Variants in RTN4RL1 observed in about 807,000 individuals in gnomAD.
RTN4RL1 encodes the protein reticulon 4 receptor like 1, also known as reticulon-4 receptor-like 1.
RTN4RL1 carries 7 observed loss-of-function variants against 25.6 expected under a neutral mutation model. That is an observed-to-expected ratio of 0.27 (90% CI 0.16 to 0.51). The LOEUF is 0.51. Ranked by LOEUF, RTN4RL1 falls within the 20% of genes least tolerant of loss-of-function variation. RTN4RL1 has a pLI of 0.97. For missense variants in RTN4RL1, 500 were observed against 615.6 expected, an observed-to-expected ratio of 0.81 and a Z score of 1.99; for synonymous variants, 297 against 288.2, an observed-to-expected ratio of 1.03 and a Z score of -0.31.
Position 1,998,633 on chromosome 17 carries a change from T to A in RTN4RL1, c.13+26220A>T, listed in dbSNP as rs2066941136. 6.6e-6 allele frequency among the ~76,000 whole-genome samples: 1 copy of A among 150,642 alleles called. No homozygotes were observed. Among genetic ancestry groups the A allele is most frequent in the South Asian group, 2.2e-4 (1 of 4,536 alleles). The stretch of plus-strand genomic sequence containing the variant: ...GACGTGGGGCCGGCTCGCCTCCTCC[T>A]GGGCTCGCCGGGATGTGGCCTCCGA... On this transcript the variant is annotated intron_variant, in intron 1 of 1. Transcript: ENST00000331238. This position sits in a 1 kb window ranked among gnomAD's most constrained non-coding sequence, Gnocchi z 4.9.
intron 1 of RTN4RL1, among the ~76,000 whole-genome samples, chr17:1,997,556 A>G (rs1409278059): frequency 2.6e-5 from 4 of 152,216 alleles, no homozygotes; most frequent in East Asian, 1.9e-4. Flanking sequence ...TAGGTGCTCA[A>G]TCATAAACCA....
At position 1,991,050 on chromosome 17, in the gene RTN4RL1, C is replaced by T. The variant is rs1171935070; in HGVS notation, c.13+33803G>A. Among the ~76,000 whole-genome samples the T allele has an allele frequency of 2.0e-5, 3 of 152,160 alleles. No homozygotes were observed. In the East Asian group the frequency reaches 5.8e-4, roughly 29 times the overall value. On this transcript the variant is annotated intron_variant, in intron 1 of 1. Transcript: ENST00000331238. ...GTGCAATTTGGATGCCTGACCTTGGCCAATTAGTACCTTGCTCAGTGTAAC... is the reference window on the plus strand; with the variant it reads ...GTGCAATTTGGATGCCTGACCTTGGTCAATTAGTACCTTGCTCAGTGTAAC...
At chr17:1,966,425 A>C (rs2066791645) in intron 1 of RTN4RL1, among the ~76,000 whole-genome samples, 1 of 152,140 alleles carries the variant, frequency 6.6e-6, no homozygotes, top group Non-Finnish European at 1.5e-5. Context: ...AAACCGATGG[A>C]GGGAGGGGGT....
chr17:1,951,733 G>C (rs536514855), intron 1 of RTN4RL1, among the ~76,000 whole-genome samples: 15 of 152,132 alleles, frequency 9.9e-5, no homozygotes, highest in South Asian at 8.3e-4. Flanking sequence ...GATTACAGGC[G>C]TGAGCCACCG....
At position 2,024,957 on chromosome 17, in the gene RTN4RL1, C is replaced by T. The variant is rs878910266; in HGVS notation, c.-92G>A. 2.5e-5 allele frequency: 35 copies of T among 1,386,576 alleles called. No individual in the cohort carries two copies. In the South Asian group the frequency reaches 4.3e-4, roughly 17 times the overall value. The allele number at this position is 1,386,576 out of a possible 1,614,324, so 85.9% of individuals were successfully genotyped here. On this transcript the variant is annotated 5_prime_UTR_variant, in exon 1 of 2. Coordinates refer to ENST00000331238, the MANE Select transcript of RTN4RL1 (RefSeq NM_178568.4). ...TCCCTGGGCGCCAGCTGCAGCTAAT[C>T]CGAGCGCGTCGAGGCGGGGGCAAGC... is the stretch of plus-strand genomic sequence containing the variant.
intron 1 of RTN4RL1, among the ~76,000 whole-genome samples, chr17:1,987,885 C>A (rs1023936347): frequency 5.3e-5 from 8 of 152,120 alleles, no homozygotes; most frequent in Non-Finnish European, 8.8e-5. Flanking sequence ...GCAGGTGGAT[C>A]ACCTGAGGTC....
intron 1 of RTN4RL1, among the ~76,000 whole-genome samples, chr17:1,986,539 G>A (rs2066888046): frequency 1.3e-5 from 2 of 151,516 alleles, no homozygotes; most frequent in Admixed American, 1.3e-4. Context: ...AGAGACAGAA[G>A]AGGAGGAGAC....
intron 1 of RTN4RL1, chr17:2,020,121 T>C (rs972105752): frequency 6.6e-6 from 1 of 152,132 alleles, no homozygotes; most frequent in African/African-American, 2.4e-5. Context: ...TTTGGTGAGA[T>C]TGGTTCCACC....
chr17:2,013,323 G>A (rs967322291), intron 1 of RTN4RL1, among the ~76,000 whole-genome samples: 2 of 152,224 alleles, frequency 1.3e-5, no homozygotes, highest in Non-Finnish European at 2.9e-5. Flanking sequence ...AGGGCTAGTG[G>A]CAGGGGCTGT....
chr17:1,975,838 G>A (rs145124333), intron 1 of RTN4RL1, among the ~76,000 whole-genome samples: 186 of 152,148 alleles, frequency 1.2e-3, no homozygotes, highest in Middle Eastern at 6.8e-3. Context: ...CTACCTCACG[G>A]GTGTGCGAAA....
chr17:1,992,742 T>C (rs1169926079), intron 1 of RTN4RL1, among the ~76,000 whole-genome samples: 2 of 152,236 alleles, frequency 1.3e-5, no homozygotes, highest in East Asian at 3.9e-4. Flanking sequence ...TTAGCACAGC[T>C]TGGCATCTTC....
intron 1 of RTN4RL1, among the ~76,000 whole-genome samples, chr17:1,986,859 A>G (rs1567517423): frequency 6.6e-6 from 1 of 151,768 alleles, no homozygotes; most frequent in Non-Finnish European, 1.5e-5. Flanking sequence ...TGCCCACCAC[A>G]TGACACAATG....
intron 1 of RTN4RL1, among the ~76,000 whole-genome samples, chr17:1,952,285 C>T (rs956669767): frequency 1.0e-4 from 15 of 147,324 alleles, no homozygotes; most frequent in African/African-American, 3.0e-4. Context: ...TGAGGGGCAG[C>T]GGAGAAACGG....
At chr17:1,962,540 G>C (rs1252096634) in intron 1 of RTN4RL1, among the ~76,000 whole-genome samples, 1 of 151,698 alleles carries the variant, frequency 6.6e-6, no homozygotes, top group Non-Finnish European at 1.5e-5. Context: ...CCAGTTTTCT[G>C]ATTTAAAATC....
intron 1 of RTN4RL1, among the ~76,000 whole-genome samples, chr17:1,995,870 G>T (rs972285112): frequency 6.6e-6 from 1 of 152,210 alleles, no homozygotes; most frequent in African/African-American, 2.4e-5. Flanking sequence ...TTCTCAGACC[G>T]CCTTCTCCTG....
chr17:1,956,265 G>C (rs773723956), intron 1 of RTN4RL1, among the ~76,000 whole-genome samples: 1 of 152,170 alleles, frequency 6.6e-6, no homozygotes, highest in Admixed American at 6.5e-5. Flanking sequence ...CAAACACCAC[G>C]CCCAGATACA....
rs555256061 is a variant in RTN4RL1, at chr17:1,994,359, G to A, written c.13+30494C>T. Among the ~76,000 whole-genome samples the A allele has an allele frequency of 2.0e-5, 3 of 151,914 alleles. No individual in the cohort carries two copies. The highest frequency in any genetic ancestry group is 2.1e-4 in the South Asian group (1 of 4,798). ...ATGTCTCCCCTGTGCTGAGCCCACC[G>A]TGTTACAGAGGACCTACCAGCTCTC... On this transcript the variant is annotated intron_variant, in intron 1 of 1. Coordinates refer to ENST00000331238, the MANE Select transcript of RTN4RL1 (RefSeq NM_178568.4). This position sits in a 1 kb window ranked among gnomAD's most constrained non-coding sequence, Gnocchi z 4.3.
intron 1 of RTN4RL1, among the ~76,000 whole-genome samples, chr17:1,988,804 A>G (rs140215987): frequency 1.3e-5 from 2 of 150,568 alleles, no homozygotes; most frequent in Admixed American, 6.6e-5. Context: ...TTGTCCAGGT[A>G]AGCAGGCTGA....
intron 1 of RTN4RL1, among the ~76,000 whole-genome samples, chr17:1,988,506 CAAAAAA>C (rs777393625): frequency 1.2e-5 from 1 of 80,484 alleles, no homozygotes; most frequent in Non-Finnish European, 2.3e-5. Flanking sequence ...GACTCTGTCT[CAAAAAA>C]AAAAAAAAAA....
Sources: gnomAD v4.1 joint callset for allele counts (sites outside exome capture counted in the v4.1 genomes callset) on GRCh38, gnomAD v4.1.1 for gene constraint, Gnocchi (gnomAD v3.1) non-coding constraint, MANE v1.5 for transcripts, NCBI Gene and HGNC (gene_info 2026-07-23, HGNC 2026-07-21) for gene names.